Variants in SYN3 observed in about 807,000 individuals in gnomAD.
SYN3 encodes the protein synapsin III, also known as synapsin-3.
Under a neutral mutation model 65.8 loss-of-function variants are expected in SYN3, and 35 were observed. That is an observed-to-expected ratio of 0.53 (90% CI 0.41 to 0.70). SYN3 has a LOEUF of 0.70. Ranked by LOEUF, SYN3 falls within the 30% of genes least tolerant of loss-of-function variation. SYN3 has a pLI of 0.00. For missense variants in SYN3, 680 were observed against 749.0 expected, an observed-to-expected ratio of 0.91 and a Z score of 1.08; for synonymous variants, 270 against 292.9, an observed-to-expected ratio of 0.92 and a Z score of 0.80.
intron 7 of SYN3, among the ~76,000 whole-genome samples, chr22:32,578,734 T>C (rs2058891911): frequency 6.6e-6 from 1 of 152,202 alleles, no homozygotes; most frequent in South Asian, 2.1e-4. Context: ...AGCAATCAGG[T>C]GGCAAGACAA....
At chr22:32,946,532 G>A (rs2051116850) in intron 3 of SYN3, among the ~76,000 whole-genome samples, 1 of 150,230 alleles carries the variant, frequency 6.7e-6, no homozygotes, top group South Asian at 2.2e-4. Flanking sequence ...TCACACATAG[G>A]GGCCTGTTGT....
chr22:32,710,914 T>C (rs1274281839), intron 6 of SYN3, among the ~76,000 whole-genome samples: 1 of 152,156 alleles, frequency 6.6e-6, no homozygotes, highest in Non-Finnish European at 1.5e-5. Flanking sequence ...ACGCCCCCCA[T>C]GAAAGATCAT....
chr22:32,668,789 G>A (rs1275727645), intron 6 of SYN3, among the ~76,000 whole-genome samples: 9 of 152,146 alleles, frequency 5.9e-5, no homozygotes, highest in African/African-American at 1.9e-4. Flanking sequence ...TTGTCCCCGT[G>A]CACTCCTGGA....
At chr22:32,542,543 A>G (rs1383381285) in intron 7 of SYN3, among the ~76,000 whole-genome samples, 1 of 110,160 alleles carries the variant, frequency 9.1e-6, no homozygotes, top group African/African-American at 3.6e-5. Flanking sequence ...GTGTGTGTGT[A>G]GTGTGTGATA....
At chr22:32,804,222 G>A (rs1162534750) in intron 6 of SYN3, among the ~76,000 whole-genome samples, 1 of 152,186 alleles carries the variant, frequency 6.6e-6, no homozygotes, top group Non-Finnish European at 1.5e-5. Context: ...TTGGTGAGCT[G>A]CACTAGTGGC....
chr22:32,899,652 C>T (rs2049703933), intron 4 of SYN3, among the ~76,000 whole-genome samples: 1 of 152,188 alleles, frequency 6.6e-6, no homozygotes, highest in South Asian at 2.1e-4. Flanking sequence ...AGCTTGGAAA[C>T]ACCACATATA....
At chr22:32,946,102 A>C (rs1287832722) in intron 3 of SYN3, among the ~76,000 whole-genome samples, 3 of 152,228 alleles carry the variant, frequency 2.0e-5, no homozygotes, top group Non-Finnish European at 4.4e-5. Flanking sequence ...TGGGACTGTA[A>C]ACTAGTTCAA....
At chr22:32,640,171 A>C (rs1211602717) in intron 6 of SYN3, among the ~76,000 whole-genome samples, 2 of 152,128 alleles carry the variant, frequency 1.3e-5, no homozygotes, top group African/African-American at 4.8e-5. Context: ...CACCTCCTCC[A>C]GGAAGCCTTC....
chr22:32,823,323 G>T (rs1454186870), intron 6 of SYN3, among the ~76,000 whole-genome samples: 1 of 152,184 alleles, frequency 6.6e-6, no homozygotes, highest in Non-Finnish European at 1.5e-5. Flanking sequence ...GCAGGAGATG[G>T]GACCTGCCAC....
intron 6 of SYN3, among the ~76,000 whole-genome samples, chr22:32,792,042 C>G (rs1452084380): frequency 1.3e-5 from 2 of 152,160 alleles, no homozygotes; most frequent in Non-Finnish European, 2.9e-5. Context: ...CCCCTGGGGC[C>G]ACACCCTGGT....
rs149159557 is a variant in SYN3, at chr22:32,511,342, C to A, written c.*2350G>T. 6.6e-6 allele frequency among the ~76,000 whole-genome samples: 1 copy of A among 152,220 alleles called. No individual in the cohort carries two copies. Among genetic ancestry groups the A allele is most frequent in the African/African-American group, 2.4e-5 (1 of 41,454 alleles). ...ATTGACCCCAGGACCCCCACCTCCA[C>A]CCACCTTGGGGGTCTAGAAGAATGT... On this transcript the variant is annotated 3_prime_UTR_variant, in exon 14 of 14. Transcript: ENST00000358763.
chr22:32,725,107 A>G (rs2147308718), intron 6 of SYN3, among the ~76,000 whole-genome samples: 1 of 152,290 alleles, frequency 6.6e-6, no homozygotes, highest in Middle Eastern at 3.4e-3. Flanking sequence ...ACAGGGTGAG[A>G]CTTTGTCTCA....
At chr22:32,622,437 G>A (rs1161358485) in intron 6 of SYN3, among the ~76,000 whole-genome samples, 1 of 152,118 alleles carries the variant, frequency 6.6e-6, no homozygotes, top group African/African-American at 2.4e-5. Flanking sequence ...TTTCCATGGA[G>A]CCTACCTTTA....
chr22:33,049,293 A>G (rs2054120849), intron 1 of SYN3, among the ~76,000 whole-genome samples: 1 of 152,184 alleles, frequency 6.6e-6, no homozygotes, highest in Non-Finnish European at 1.5e-5. Context: ...CAATGATGAC[A>G]GGGCCTTGGA....
At chr22:32,611,212 C>G (rs536046521) in intron 6 of SYN3, among the ~76,000 whole-genome samples, 2 of 150,898 alleles carry the variant, frequency 1.3e-5, no homozygotes, top group East Asian at 1.9e-4. Flanking sequence ...TGTGTGAAAC[C>G]TTTTCCGTCT....
At chr22:33,023,142 G>A (rs1028727748) in intron 1 of SYN3, among the ~76,000 whole-genome samples, 1 of 152,154 alleles carries the variant, frequency 6.6e-6, no homozygotes, top group African/African-American at 2.4e-5. Flanking sequence ...TTGAGTCCAG[G>A]AGTTTGAGAC....
intron 6 of SYN3, among the ~76,000 whole-genome samples, chr22:32,826,166 C>T (rs960352610): frequency 9.9e-5 from 15 of 152,264 alleles, no homozygotes; most frequent in East Asian, 3.9e-4. Flanking sequence ...TGGTGGCTCA[C>T]GCCTGTAATT....
intron 10 of SYN3, 86 bp downstream of exon 10, chr22:32,533,707 G>A: frequency 2.2e-6 from 2 of 910,946 alleles, no homozygotes; most frequent in African/African-American, 1.6e-5. Context: ...ACAGCTGATG[G>A]TGCCAAAGAC....
chr22:32,734,323 C>G (rs2061309065), intron 6 of SYN3, among the ~76,000 whole-genome samples: 1 of 152,216 alleles, frequency 6.6e-6, no homozygotes, highest in South Asian at 2.1e-4. Flanking sequence ...TCATCTTAAC[C>G]ACCACCTTCA....
Sources: allele counts gnomAD v4.1 joint callset (sites outside exome capture counted in the v4.1 genomes callset), GRCh38; gene constraint gnomAD v4.1.1; transcripts MANE v1.5; gene names NCBI Gene and HGNC (gene_info 2026-07-23, HGNC 2026-07-21).